Variants in MORC4 observed in about 807,000 individuals in gnomAD.
The protein encoded by MORC4 is MORC family CW-type zinc finger 4, also known as MORC family CW-type zinc finger protein 4.
In MORC4, 22 loss-of-function variants were observed where a neutral mutation model predicts 65.5. The observed-to-expected ratio is 0.34, with a 90% CI of 0.24 to 0.48. The LOEUF is 0.48. Among genes scored for constraint, MORC4 ranks in the 20% least tolerant of loss-of-function variants. The pLI is 0.99. For synonymous variants in MORC4, 267 were observed against 255.8 expected (o/e 1.04, Z -0.42); for missense variants, 624 against 703.0 (o/e 0.89, Z 1.27).
intron 9 of MORC4, among the ~76,000 whole-genome samples, chrX:106,965,418 T>C (rs1335398777): frequency 9.0e-6 from 1 of 111,276 alleles, no homozygotes; most frequent in Non-Finnish European, 1.9e-5. Context: ...ATGTAGGAAA[T>C]GAGGGGCAAA....
rs1933727752 is a variant in MORC4 at position 106,942,856 on chromosome X, T to C, written c.2035A>G (p.Thr679Ala). 8.3e-7 allele frequency: 1 copy of C among 1,211,860 alleles called. No individual in the cohort carries two copies. The highest frequency in any genetic ancestry group is 1.1e-6 in the Non-Finnish European group (1 of 895,366). ...TTGACTTCTTCTTTGTTTATGGTTG[T>C]GCTACCTCTGTTAGATTCTTCTGCC... ...LVAEESNRGSTTINKEEVNKG... is the reference protein window; with the variant it reads ...LVAEESNRGSATINKEEVNKG... Residue 679 changes from threonine to alanine, a missense_variant, in exon 15 of 17, where the codon ACA (threonine) becomes GCA (alanine). Coordinates refer to ENST00000355610, the MANE Select transcript of MORC4 (RefSeq NM_024657.5).
chrX:106,941,591 T>C lies in MORC4; in HGVS notation c.2702A>G (p.Tyr901Cys). 4.1e-6 allele frequency: 5 copies of C among 1,210,427 alleles called. No homozygotes were observed. Among genetic ancestry groups the C allele is most frequent in the Non-Finnish European group, 5.6e-6 (5 of 894,636 alleles). The change falls in exon 17 of 17, where the codon TAT (tyrosine) becomes TGT (cysteine). Residue 901 changes from tyrosine to cysteine, a missense_variant. Coordinates refer to ENST00000355610, the MANE Select transcript of MORC4 (RefSeq NM_024657.5). ...KLTRLRIHVS[Y>C]LLTSVLPHLE... The stretch of plus-strand genomic sequence containing the variant: ...GTGAGGGAGGACAGAAGTAAGGAGA[T>C]AGCTGACGTGGATACGTAGCCGCGT...
At chrX:106,994,538 A>G (rs1935042200) in intron 2 of MORC4, among the ~76,000 whole-genome samples, 1 of 112,470 alleles carries the variant, frequency 8.9e-6, no homozygotes, top group South Asian at 3.7e-4. Flanking sequence ...GAGAAGTATT[A>G]CAAATATGCA....
chrX:106,964,835 C>T (rs755235591), intron 9 of MORC4, among the ~76,000 whole-genome samples: 6 of 110,629 alleles, frequency 5.4e-5, no homozygotes, highest in East Asian at 2.8e-4. Context: ...CATGGTGAAA[C>T]GCTGTCTCTA....
rs760684321 is a variant in MORC4 at position 106,956,505 on chromosome X, ATCT to A, written c.1481_1483del (p.Lys494del). ...CTGGTGGTTCTCATTTTCCATAGGC[ATCT>A]TCTTCTTCTCCTCAACAGTTTGTTC... On this transcript the variant is annotated inframe_deletion, in exon 13 of 17. Transcript: ENST00000355610. The A allele has an allele frequency of 7.5e-6, 9 of 1,206,945 alleles. No homozygotes were observed. Among genetic ancestry groups the A allele is most frequent in the East Asian group, 3.0e-5 (1 of 33,786 alleles).
chrX:106,960,203 T>G (rs370393577), intron 10 of MORC4, among the ~76,000 whole-genome samples: 1 of 112,300 alleles, frequency 8.9e-6, no homozygotes, highest in Non-Finnish European at 1.9e-5. Context: ...CGGTTCTACA[T>G]GCATATGCAT....
At chrX:106,958,865 C>T (rs183998297) in intron 10 of MORC4, among the ~76,000 whole-genome samples, 34 of 111,421 alleles carry the variant, frequency 3.1e-4, no homozygotes, top group African/African-American at 1.0e-3. Context: ...CTGTTTATTA[C>T]TATATTACCA....
At chrX:106,984,469 T>C (rs775457741) in intron 5 of MORC4, among the ~76,000 whole-genome samples, 20 of 56,505 alleles carry the variant, frequency 3.5e-4, no homozygotes, top group African/African-American at 8.2e-4. Flanking sequence ...TTTTTTCTTT[T>C]TTTTTTTTTT....
intron 9 of MORC4, among the ~76,000 whole-genome samples, chrX:106,967,309 A>G (rs1389392952): frequency 8.9e-6 from 1 of 112,066 alleles, no homozygotes; most frequent in Non-Finnish European, 1.9e-5. Context: ...ATCCGTAGGT[A>G]GGTCCCCAAC....
chrX:106,966,086 T>A (rs2078204973), intron 9 of MORC4, among the ~76,000 whole-genome samples: 1 of 111,766 alleles, frequency 8.9e-6, no homozygotes, highest in South Asian at 3.8e-4. Context: ...AGAGACAAAT[T>A]GACGAATGAA....
chrX:106,965,310 GCA>G (rs1483955024), intron 9 of MORC4, among the ~76,000 whole-genome samples: 1 of 111,437 alleles, frequency 9.0e-6, no homozygotes, highest in Non-Finnish European at 1.9e-5. Flanking sequence ...CCCATGATAA[GCA>G]CAAACAAAAT....
intron 5 of MORC4, 48 bp downstream of exon 5, chrX:106,985,048 T>C (rs1319536570): frequency 1.0e-6 from 1 of 1,001,584 alleles, no homozygotes; most frequent in South Asian, 3.1e-5. Flanking sequence ...ATGTGTTTCA[T>C]CATACTACCT....
intron 13 of MORC4, among the ~76,000 whole-genome samples, chrX:106,955,836 A>C (rs1934093984): frequency 9.0e-6 from 1 of 111,482 alleles, no homozygotes; most frequent in African/African-American, 3.3e-5. Flanking sequence ...CGACTAGCAG[A>C]TCTCTCTTGG....
chrX:106,981,264 C>A (rs1934734930), intron 6 of MORC4, 81 bp downstream of exon 6: 1 of 1,033,483 alleles, frequency 9.7e-7, no homozygotes, highest in Non-Finnish European at 1.3e-6. Flanking sequence ...CTTTGTATAA[C>A]TAAAAGAAGA....
chrX:106,994,466 C>G (rs987890612), intron 2 of MORC4, among the ~76,000 whole-genome samples: 2 of 112,306 alleles, frequency 1.8e-5, no homozygotes, highest in African/African-American at 6.5e-5. Context: ...TGGCCATATA[C>G]TTGTTCTATT....
chrX:106,955,055 G>C lies in MORC4; in HGVS notation c.1543C>G (p.Gln515Glu). Reference protein sequence around the residue: ...FSNPPKILTVQEMAGLNNKTI... With the variant: ...FSNPPKILTVEEMAGLNNKTI... The stretch of plus-strand genomic sequence containing the variant: ...TTGTTATTCAATCCAGCCATTTCTT[G>C]AACAGTAAGGATCTTTGGTGGATTA... Residue 515 changes from glutamine (Q) to glutamate (E), a missense_variant, in exon 14 of 17, where the codon CAA (glutamine) becomes GAA (glutamate). Gln to Glu is a conservative substitution (Grantham distance 29, BLOSUM62 2). Transcript: ENST00000355610. 1 of 1,203,331 alleles carries C rather than the reference G, an allele frequency of 8.3e-7. No individual in the cohort carries two copies. Among genetic ancestry groups the C allele is most frequent in the Non-Finnish European group, 1.1e-6 (1 of 890,573 alleles).
Position 106,942,961 on chromosome X carries a change from T to C in MORC4, c.1930A>G (p.Ile644Val), listed in dbSNP as rs938785488. ...KNTGQNREVS[I>V]LYPGAKDQRQ... ...TGGTCTTTGGCCCCTGGATACAGAA[T>C]TGAAACCTCCCTATTCTGACCTGTA... Residue 644 changes from isoleucine to valine, a missense_variant, in exon 15 of 17, where the codon ATT becomes GTT. Ile to Val is a conservative substitution (Grantham distance 29). Transcript: ENST00000355610. The C allele has an allele frequency of 5.0e-6, 6 of 1,209,987 alleles. No individual in the cohort carries two copies. The Admixed American group carries it at 8.7e-5, about 18-fold the overall frequency.
intron 7 of MORC4, among the ~76,000 whole-genome samples, chrX:106,979,060 T>C (rs890068193): frequency 1.8e-5 from 2 of 111,470 alleles, no homozygotes; most frequent in African/African-American, 6.5e-5. Context: ...AACTGAGATT[T>C]TCATTAAAAC....
chrX:106,950,367 C>T (rs1046799844), intron 14 of MORC4, among the ~76,000 whole-genome samples: 19 of 111,979 alleles, frequency 1.7e-4, no homozygotes, highest in Non-Finnish European at 1.5e-4. Context: ...AAAGTCAATT[C>T]CTTTAGGTAG....
Sources: gnomAD v4.1 joint callset for allele counts (sites outside exome capture counted in the v4.1 genomes callset) on GRCh38, gnomAD v4.1.1 for gene constraint, MANE v1.5 for transcripts, NCBI Gene and HGNC (gene_info 2026-07-23, HGNC 2026-07-21) for gene names.